Variants in C17orf78 observed in about 807,000 individuals in gnomAD.
C17orf78 encodes chromosome 17 open reading frame 78.
In C17orf78, 27 loss-of-function variants were observed where a neutral mutation model predicts 31.8. The observed-to-expected ratio is 0.85, with a 90% CI of 0.63 to 1.17. The LOEUF (loss-of-function observed/expected upper bound fraction) is 1.17. C17orf78 is among the 50% of genes most tolerant of loss of function. The pLI is 0.00. For missense variants in C17orf78, 258 were observed against 315.2 expected (o/e 0.82, Z 1.37); for synonymous variants, 106 against 115.1 (o/e 0.92, Z 0.51).
chr17:37,391,496 T>A, intron 6 of C17orf78, 151 bp from the exon 7 acceptor site: 2 of 685,264 alleles, frequency 2.9e-6, no homozygotes, highest in South Asian at 3.4e-5. Context: ...TGATCATACT[T>A]TCTCAGTGTA....
chr17:37,389,082 T>C (rs1444228460), intron 5 of C17orf78, among the ~76,000 whole-genome samples, 164 bp from the exon 6 acceptor site: 1 of 152,248 alleles, frequency 6.6e-6, no homozygotes, highest in Non-Finnish European at 1.5e-5. Flanking sequence ...GCAGTTCCTT[T>C]CCTCTGCTGT....
intron 3 of C17orf78, 25 bp downstream of exon 3, chr17:37,379,407 G>A (rs1304184940): frequency 8.1e-6 from 13 of 1,605,706 alleles, no homozygotes; most frequent in African/African-American, 2.7e-5. Context: ...GAGGAAGGGG[G>A]CAGGCACTAA....
chr17:37,386,164 A>T, intron 4 of C17orf78, 39 bp downstream of exon 4: 1 of 1,317,234 alleles, frequency 7.6e-7, no homozygotes. Context: ...GTACAGAATA[A>T]GTAGGAGTAA....
At chr17:37,380,875 C>A (rs568161958) in intron 3 of C17orf78, among the ~76,000 whole-genome samples, 1 of 151,258 alleles carries the variant, frequency 6.6e-6, no homozygotes, top group Non-Finnish European at 1.5e-5. Context: ...GGATTACAGG[C>A]GTGAGCCACC....
Position 37,383,031 on chromosome 17 carries a change from C to T in C17orf78, c.392-2978C>T, listed in dbSNP as rs558278857. 3.5e-4 allele frequency among the ~76,000 whole-genome samples: 54 copies of T among 152,188 alleles called. 1 individual carries two copies. In the South Asian group the frequency reaches 9.7e-3, roughly 27 times the overall value. ...CAGTCTGGGCAATAGAGCGAGACTC[C>T]ATCTGAAAAAATAAACAAACTCAAA... On this transcript the variant is annotated intron_variant, in intron 3 of 6. Coordinates refer to ENST00000615133, the MANE Select transcript of C17orf78 (RefSeq NM_173625.5).
Position 37,376,141 on chromosome 17 carries a change from A to G in C17orf78, c.49A>G (p.Asn17Asp). The stretch of plus-strand genomic sequence containing the variant: ...CCTAATCATTGCATCCTATGATGCC[A>G]ACAAGAAAGGTATGTAATTCTCTAG... ...FSLIIASYDA[N>D]KKDLRDSSCR... Residue 17 changes from asparagine to aspartate, a missense_variant, in exon 1 of 7, where the codon AAC becomes GAC. By Grantham distance (23) the Asn-to-Asp change is conservative. Coordinates refer to ENST00000615133, the MANE Select transcript of C17orf78 (RefSeq NM_173625.5). The G allele has an allele frequency of 6.2e-6, 10 of 1,611,532 alleles. No individual in the cohort carries two copies. The highest frequency in any genetic ancestry group is 8.5e-6 in the Non-Finnish European group (10 of 1,177,676).
intron 6 of C17orf78, among the ~76,000 whole-genome samples, chr17:37,390,630 AAG>A (rs2050839933): frequency 6.6e-6 from 1 of 150,520 alleles, no homozygotes; most frequent in Non-Finnish European, 1.5e-5. Flanking sequence ...CCGTCTCAAA[AAG>A]AGAGAAAAAA....
intron 1 of C17orf78, 30 bp from the exon 2 acceptor site, chr17:37,377,849 T>A: frequency 7.0e-7 from 1 of 1,433,798 alleles, no homozygotes; most frequent in South Asian, 1.2e-5. Context: ...CCTTCCCCGG[T>A]TCCCCTCCTC....
chr17:37,387,674 G>C (rs1410907423), intron 4 of C17orf78: 1 of 151,734 alleles, frequency 6.6e-6, no homozygotes, highest in East Asian at 2.0e-4. Flanking sequence ...TCAAACTCCT[G>C]ACCTCAAGTG....
At chr17:37,380,690 C>G (rs1433106237) in intron 3 of C17orf78, among the ~76,000 whole-genome samples, 2 of 152,014 alleles carry the variant, frequency 1.3e-5, no homozygotes, top group Non-Finnish European at 2.9e-5. Flanking sequence ...CTCTGCCTCC[C>G]AGGTTAAAGT....
At chr17:37,379,009 C>A in intron 2 of C17orf78, 128 bp from the exon 3 acceptor site, 1 of 1,158,978 alleles carries the variant, frequency 8.6e-7, no homozygotes, top group Non-Finnish European at 1.2e-6. Context: ...GAGTTTGAGG[C>A]TGGAGTGAGC....
At position 37,377,867 on chromosome 17, in the gene C17orf78, G is replaced by C; in HGVS notation, c.59-12G>C. On this transcript the variant is annotated splice_polypyrimidine_tract_variant and intron_variant, in intron 1 of 6. Transcript: ENST00000615133. ...TCCCCGGTTCCCCTCCTCCCCCTCT[G>C]CTCACCCCCAGACCTCAGAGATAGC... is the stretch of plus-strand genomic sequence containing the variant. 6.3e-7 allele frequency: 1 copy of C among 1,591,378 alleles called. No homozygotes were observed. The highest frequency in any genetic ancestry group is 8.6e-7 in the Non-Finnish European group (1 of 1,168,236).
rs555493440 is a variant in C17orf78 at position 37,389,360 on chromosome 17, A to G, written c.748A>G (p.Lys250Glu). The G allele has an allele frequency of 3.2e-6, 5 of 1,577,846 alleles. No individual in the cohort carries two copies. In the South Asian group the frequency reaches 3.5e-5, roughly 11 times the overall value. Residue 250 changes from lysine (K) to glutamate (E), a missense_variant and splice_region_variant, in exon 6 of 7, where the codon AAG becomes GAG. Lys to Glu is a moderately conservative substitution (Grantham distance 56, BLOSUM62 1). Transcript: ENST00000615133. ...ATCCAAGCCTGACTCTCAGCCCCAG[A>G]AGGAAAGTGTTCTCTGTGTGGTTTA... Reference protein sequence around the residue: ...AESKPDSQPQKVGQDAANSSN... With the variant: ...AESKPDSQPQEVGQDAANSSN...
intron 4 of C17orf78, 31 bp from the exon 5 acceptor site, chr17:37,388,639 T>C (rs1309923903): frequency 1.2e-6 from 2 of 1,602,720 alleles, no homozygotes; most frequent in African/African-American, 2.7e-5. Flanking sequence ...AATTTTCTTT[T>C]CTCCCTCTTC....
intron 1 of C17orf78, 111 bp downstream of exon 1, chr17:37,376,261 T>C (rs2049998423): frequency 1.1e-6 from 1 of 877,302 alleles, no homozygotes; most frequent in South Asian, 1.5e-5. Flanking sequence ...CAAGCAATAC[T>C]TTCCAGAGTT....
At chr17:37,385,898 TG>T in intron 3 of C17orf78, 110 bp from the exon 4 acceptor site, 1 of 694,334 alleles carries the variant, frequency 1.4e-6, no homozygotes, top group Non-Finnish European at 2.4e-6. Context: ...GACAGGTTAA[TG>T]GGACCACAAT....
chr17:37,378,013 T>A, intron 2 of C17orf78, 48 bp downstream of exon 2: 2 of 1,537,230 alleles, frequency 1.3e-6, no homozygotes, highest in East Asian at 2.2e-5. Context: ...TTCCAAAAAA[T>A]TTTTACCTTT....
intron 3 of C17orf78, among the ~76,000 whole-genome samples, chr17:37,384,673 C>T (rs2050450431): frequency 6.6e-6 from 1 of 151,976 alleles, no homozygotes; most frequent in Non-Finnish European, 1.5e-5. Flanking sequence ...AACTGACTAG[C>T]ACTATGATGA....
intron 3 of C17orf78, among the ~76,000 whole-genome samples, chr17:37,384,687 T>C (rs1458595858): frequency 6.6e-6 from 1 of 152,220 alleles, no homozygotes; most frequent in Non-Finnish European, 1.5e-5. Context: ...ATGATGAAAA[T>C]GTTCTTGTTT....
Sources: allele counts gnomAD v4.1 joint callset (sites outside exome capture counted in the v4.1 genomes callset), GRCh38; gene constraint gnomAD v4.1.1; transcripts MANE v1.5; gene names NCBI Gene and HGNC (gene_info 2026-07-23, HGNC 2026-07-21).